Variants in PLD1 observed in about 807,000 individuals in gnomAD.
PLD1 encodes the protein choline phosphatase 1.
In PLD1, 112 loss-of-function variants were observed where a neutral mutation model predicts 137.1. The observed-to-expected ratio is 0.82, with a 90% CI of 0.70 to 0.96. PLD1 has a LOEUF of 0.96. Ranked by LOEUF, PLD1 falls within the 40% of genes least tolerant of loss-of-function variation. The pLI, the probability that PLD1 is intolerant of heterozygous loss-of-function variation, is 0.00. For synonymous variants in PLD1, 431 were observed against 454.7 expected, an observed-to-expected ratio of 0.95 and a Z score of 0.66; for missense variants, 1,321 against 1,342.0, an observed-to-expected ratio of 0.98 and a Z score of 0.24.
At chr3:171,687,328 C>T (rs951004619) in intron 15 of PLD1, 43 bp downstream of exon 15, 1 of 1,489,192 alleles carries the variant, frequency 6.7e-7, no homozygotes, top group African/African-American at 1.4e-5. Context: ...TATGGAAGAA[C>T]AGTGGGTAGT....
rs760900711 is a variant in PLD1, at chr3:171,605,362, A to T, written c.2937T>A (p.Ser979Arg). The change falls in exon 26 of 27, where the codon AGT (serine) becomes AGA (arginine). Residue 979 changes from serine to arginine, a missense_variant. Transcript: ENST00000351298. ...DPSEDIQDPV[S>R]DKFFKEVWVS... is the part of the protein sequence containing the mutation. Reference sequence around the variant, plus strand: ...CCCACACCTCCTTGAAGAATTTGTCACTCACTGGATCCTGAATGTCCTCAC... The same window carrying T: ...CCCACACCTCCTTGAAGAATTTGTCTCTCACTGGATCCTGAATGTCCTCAC... The T allele has an allele frequency of 3.1e-6, 5 of 1,613,774 alleles. No homozygotes were observed. The highest frequency in any genetic ancestry group is 4.2e-6 in the Non-Finnish European group (5 of 1,179,872).
chr3:171,799,261 C>T (rs751697053), intron 1 of PLD1, among the ~76,000 whole-genome samples: 10 of 144,182 alleles, frequency 6.9e-5, no homozygotes, highest in South Asian at 2.2e-4. Context: ...ATTGCTTGAA[C>T]CCAGGCGGTG....
intron 25 of PLD1, among the ~76,000 whole-genome samples, chr3:171,608,365 C>T (rs903167802): frequency 4.6e-5 from 7 of 152,004 alleles, no homozygotes; most frequent in Non-Finnish European, 5.9e-5. Context: ...TCTATAAATC[C>T]GCTATAATTC....
chr3:171,690,496 C>T (rs1042417745), intron 13 of PLD1, among the ~76,000 whole-genome samples: 4 of 151,824 alleles, frequency 2.6e-5, no homozygotes, highest in East Asian at 3.9e-4. Flanking sequence ...TGTAAATTTC[C>T]CCCTTTGCAC....
At chr3:171,618,961 G>A (rs958050990) in intron 24 of PLD1, among the ~76,000 whole-genome samples, 1 of 152,034 alleles carries the variant, frequency 6.6e-6, no homozygotes, top group African/African-American at 2.4e-5. Context: ...TTCCAGATAA[G>A]ACAGTTTTAT....
intron 11 of PLD1, among the ~76,000 whole-genome samples, chr3:171,700,479 G>T (rs1716153553): frequency 6.6e-6 from 1 of 152,118 alleles, no homozygotes; most frequent in Non-Finnish European, 1.5e-5. Flanking sequence ...GCTTACAGGG[G>T]TGCAGCAATA....
At chr3:171,739,802 TGAA>T (rs1463636247) in intron 1 of PLD1, among the ~76,000 whole-genome samples, 1 of 152,158 alleles carries the variant, frequency 6.6e-6, no homozygotes, top group Non-Finnish European at 1.5e-5. Context: ...TGGTAAGTGG[TGAA>T]GAAGGGACTG....
intron 6 of PLD1, among the ~76,000 whole-genome samples, chr3:171,732,106 G>A (rs998804053): frequency 1.3e-5 from 2 of 152,146 alleles, no homozygotes; most frequent in Non-Finnish European, 2.9e-5. Flanking sequence ...ATTGCATATG[G>A]ATACTAATAC....
chr3:171,686,361 T>A (rs1198218968), intron 16 of PLD1, among the ~76,000 whole-genome samples: 2 of 152,112 alleles, frequency 1.3e-5, no homozygotes, highest in African/African-American at 4.8e-5. Context: ...CTAACCCAAA[T>A]GTCCCCTCCT....
intron 12 of PLD1, among the ~76,000 whole-genome samples, chr3:171,696,095 T>C (rs888371318): frequency 6.6e-6 from 1 of 152,198 alleles, no homozygotes; most frequent in Non-Finnish European, 1.5e-5. Context: ...ACTGCAACTC[T>C]ACATTGTGCC....
At chr3:171,729,179 G>T (rs2108248935) in intron 6 of PLD1, among the ~76,000 whole-genome samples, 1 of 152,270 alleles carries the variant, frequency 6.6e-6, no homozygotes, top group East Asian at 1.9e-4. Flanking sequence ...TTATTCCATT[G>T]ATCTTTTGAG....
intron 9 of PLD1, 37 bp downstream of exon 9, chr3:171,713,856 T>C: frequency 1.3e-6 from 2 of 1,557,088 alleles, no homozygotes; most frequent in Non-Finnish European, 1.8e-6. Context: ...TTAAGGCATT[T>C]TTGTAGAAAT....
At chr3:171,668,533 CTT>C (rs1013157598) in intron 19 of PLD1, among the ~76,000 whole-genome samples, 1 of 151,184 alleles carries the variant, frequency 6.6e-6, no homozygotes, top group South Asian at 2.1e-4. Context: ...TGAAAATTTT[CTT>C]TTTTTTTCCT....
intron 11 of PLD1, among the ~76,000 whole-genome samples, chr3:171,702,115 A>G (rs1716297585): frequency 6.6e-6 from 1 of 152,214 alleles, no homozygotes; most frequent in South Asian, 2.1e-4. Flanking sequence ...AAATACAGAG[A>G]AAATTCAATG....
intron 1 of PLD1, among the ~76,000 whole-genome samples, chr3:171,773,737 A>G (rs550551442): frequency 5.5e-5 from 8 of 146,164 alleles, no homozygotes; most frequent in African/African-American, 2.2e-4. Context: ...CTCTATTATT[A>G]TACCAGTTTG....
Position 171,675,770 on chromosome 3 carries a change from C to A in PLD1, c.2115+945G>T, listed in dbSNP as rs4600841. Among the ~76,000 whole-genome samples the A allele has an allele frequency of 7.2e-5, 11 of 152,212 alleles. No individual in the cohort carries two copies. In the East Asian group the frequency reaches 2.1e-3, roughly 29 times the overall value. On this transcript the variant is annotated intron_variant, in intron 18 of 26. Transcript: ENST00000351298. ...GATAAAACTAAATTCTTTTTCCAAA[C>A]GACCAAGGGGAATCATGACTCATTA...
intron 1 of PLD1, among the ~76,000 whole-genome samples, chr3:171,769,162 T>C (rs565865897): frequency 6.6e-5 from 10 of 152,228 alleles, no homozygotes; most frequent in Non-Finnish European, 1.5e-4. Flanking sequence ...GGAGTTTCCC[T>C]CTTATCTAAT....
At chr3:171,660,430 A>T (rs1395717928) in intron 20 of PLD1, among the ~76,000 whole-genome samples, 2 of 152,172 alleles carry the variant, frequency 1.3e-5, no homozygotes, top group African/African-American at 4.8e-5. Context: ...GACTGGCTAC[A>T]TGTCATGTCC....
chr3:171,769,037 C>A (rs999354263), intron 1 of PLD1, among the ~76,000 whole-genome samples: 12 of 152,166 alleles, frequency 7.9e-5, no homozygotes, highest in Non-Finnish European at 1.6e-4. Flanking sequence ...GACACTTTAC[C>A]CCAAATTTAC....
Sources: allele counts gnomAD v4.1 joint callset (sites outside exome capture counted in the v4.1 genomes callset), GRCh38; gene constraint gnomAD v4.1.1; transcripts MANE v1.5; gene names NCBI Gene and HGNC (gene_info 2026-07-23, HGNC 2026-07-21).